Variants in PLEKHM3 observed in about 807,000 individuals in gnomAD.
PLEKHM3 encodes pleckstrin homology domain-containing family M member 3.
A neutral mutation model predicts 81.8 loss-of-function variants in PLEKHM3; 45 were observed. The observed-to-expected ratio is 0.55, with a 90% CI of 0.43 to 0.71. The LOEUF is 0.71. Ranked by LOEUF, PLEKHM3 falls within the 30% of genes least tolerant of loss-of-function variation. The pLI is 0.00. For missense variants in PLEKHM3, 788 were observed against 924.3 expected (o/e 0.85, Z 1.91); for synonymous variants, 352 against 356.4 (o/e 0.99, Z 0.14).
chr2:207,875,075 A>G (rs1395236768), intron 6 of PLEKHM3, among the ~76,000 whole-genome samples: 1 of 152,022 alleles, frequency 6.6e-6, no homozygotes, highest in Non-Finnish European at 1.5e-5. Context: ...TAATAAATCT[A>G]AATATATAAA....
At chr2:207,866,899 A>T (rs1474342184) in intron 6 of PLEKHM3, among the ~76,000 whole-genome samples, 1 of 151,996 alleles carries the variant, frequency 6.6e-6, no homozygotes, top group Non-Finnish European at 1.5e-5. Context: ...GCTGTTTTGT[A>T]CTCTTTGCTT....
intron 6 of PLEKHM3, among the ~76,000 whole-genome samples, chr2:207,884,812 C>T (rs113766760): frequency 0.021 from 3,217 of 152,180 alleles, 118 homozygotes; most frequent in African/African-American, 0.073. Context: ...CCTTCCTGGG[C>T]GCCCACATAG....
At chr2:207,849,365 C>T (rs943266737) in intron 7 of PLEKHM3, among the ~76,000 whole-genome samples, 2 of 152,002 alleles carry the variant, frequency 1.3e-5, no homozygotes, top group Non-Finnish European at 2.9e-5. Flanking sequence ...GATGTAGTAG[C>T]AGAGTATGCT....
intron 6 of PLEKHM3, among the ~76,000 whole-genome samples, chr2:207,897,306 G>A (rs753431514): frequency 6.6e-6 from 1 of 152,180 alleles, no homozygotes; most frequent in African/African-American, 2.4e-5. Flanking sequence ...AGTGTCCACA[G>A]ATGCAGTGTC....
At chr2:207,899,929 C>T (rs950780132) in intron 6 of PLEKHM3, 16 of 152,224 alleles carry the variant, frequency 1.1e-4, no homozygotes, top group African/African-American at 3.9e-4. Context: ...CAGTCATAGC[C>T]TCTAGGAAGC....
chr2:207,866,055 A>T (rs1360136835), intron 6 of PLEKHM3, among the ~76,000 whole-genome samples: 1 of 151,474 alleles, frequency 6.6e-6, no homozygotes, highest in Non-Finnish European at 1.5e-5. Context: ...TCCTAGTTTT[A>T]TTTCTAGATG....
intron 5 of PLEKHM3, among the ~76,000 whole-genome samples, chr2:207,928,980 A>G (rs1016436785): frequency 5.3e-5 from 8 of 152,228 alleles, no homozygotes; most frequent in Admixed American, 1.3e-4. Flanking sequence ...GACTCTGAAG[A>G]TGATTCCCTC....
chr2:207,963,966 G>C (rs1208783253), intron 3 of PLEKHM3, among the ~76,000 whole-genome samples: 1 of 152,166 alleles, frequency 6.6e-6, no homozygotes, highest in Non-Finnish European at 1.5e-5. Context: ...AATCCCAGCA[G>C]TTTGGGAGGC....
chr2:208,020,192 T>C (rs765358005), intron 1 of PLEKHM3, among the ~76,000 whole-genome samples: 16 of 152,264 alleles, frequency 1.1e-4, no homozygotes, highest in Non-Finnish European at 1.8e-4. Context: ...AGAAGAGCTT[T>C]AGTTTGTACT....
intron 6 of PLEKHM3, chr2:207,899,896 T>C (rs1688361435): frequency 6.6e-6 from 1 of 152,138 alleles, no homozygotes; most frequent in South Asian, 2.1e-4. Context: ...TGGCTCATGA[T>C]TATGGGCCAA....
chr2:207,861,180 C>T lies in PLEKHM3; in HGVS notation c.2033G>A (p.Ser678Asn), dbSNP rs1229816891. Residue 678 changes from serine to asparagine, a missense_variant, in exon 7 of 8, where the codon AGC becomes AAC. Ser to Asn is a conservative substitution (Grantham distance 46). Transcript: ENST00000427836. ...GATTTCACAGATGAACCCCTTCTGG[C>T]TACAAAGACTGCAGCTGTACACGTG... ...TSHVYSCSLC[S>N]QKGFICEICN... The T allele has an allele frequency of 1.9e-6, 3 of 1,614,046 alleles. No individual in the cohort carries two copies. In the African/African-American group the frequency reaches 4.0e-5, roughly 22 times the overall value.
At chr2:207,946,812 C>T (rs970546373) in intron 3 of PLEKHM3, among the ~76,000 whole-genome samples, 3 of 152,190 alleles carry the variant, frequency 2.0e-5, no homozygotes, top group South Asian at 2.1e-4. Context: ...TCTACAACCT[C>T]GCCTTTATCT....
intron 5 of PLEKHM3, among the ~76,000 whole-genome samples, chr2:207,923,206 G>A (rs1469860496): frequency 6.6e-6 from 1 of 152,168 alleles, no homozygotes; most frequent in Non-Finnish European, 1.5e-5. Flanking sequence ...ACTACTCACT[G>A]TCTAATAAGA....
In PLEKHM3 at chr2:207,975,717, C is replaced by A. The variant is rs1351988240; in HGVS notation, c.1546+934G>T. On this transcript the variant is annotated intron_variant, in intron 3 of 7. Transcript: ENST00000427836. Reference sequence around the variant, plus strand: ...GTTCAAGTGATTCTCCTGCCTCAGCCTCCTGAGTAGCTGGGATTACAAGCA... The same window carrying A: ...GTTCAAGTGATTCTCCTGCCTCAGCATCCTGAGTAGCTGGGATTACAAGCA... 3.3e-5 allele frequency among the ~76,000 whole-genome samples: 5 copies of A among 150,378 alleles called. No individual in the cohort carries two copies. The East Asian group carries it at 9.8e-4, about 30-fold the overall frequency.
intron 3 of PLEKHM3, among the ~76,000 whole-genome samples, chr2:207,949,882 C>T (rs1392391217): frequency 6.6e-6 from 1 of 152,116 alleles, no homozygotes; most frequent in Non-Finnish European, 1.5e-5. Context: ...TTTTAATGAG[C>T]TTATTCTAAT....
chr2:207,908,386 A>C, intron 6 of PLEKHM3, 128 bp downstream of exon 6: 2 of 883,374 alleles, frequency 2.3e-6, no homozygotes, highest in Non-Finnish European at 3.6e-6. Flanking sequence ...CCCATTCTGA[A>C]AAAGAATTAT....
intron 3 of PLEKHM3, among the ~76,000 whole-genome samples, chr2:207,967,657 A>G (rs77410175): frequency 0.028 from 4,336 of 152,340 alleles, 187 homozygotes; most frequent in African/African-American, 0.095. Context: ...GGCTTTTGCC[A>G]TTAAAAGTAA....
intron 3 of PLEKHM3, among the ~76,000 whole-genome samples, chr2:207,951,951 A>G (rs940091882): frequency 1.3e-5 from 2 of 152,190 alleles, no homozygotes; most frequent in Admixed American, 1.3e-4. Context: ...GCTGGATCCA[A>G]CTGAATCTCT....
At chr2:207,841,468 AAAAAAAAAAAAAATATATATATAT>A (rs1204944750) in intron 7 of PLEKHM3, among the ~76,000 whole-genome samples, 30,403 of 100,828 alleles carry the variant, frequency 0.3, 4,645 homozygotes, top group African/African-American at 0.32. Flanking sequence ...AAAAAAAAAA[AAAAAAAAAAAAAATATATATATAT>A]ATATATATAT....
Sources: allele counts gnomAD v4.1 joint callset (sites outside exome capture counted in the v4.1 genomes callset), GRCh38; gene constraint gnomAD v4.1.1; transcripts MANE v1.5; gene names NCBI Gene and HGNC (gene_info 2026-07-23, HGNC 2026-07-21).